Variants in ANTXR1 observed in about 807,000 individuals in gnomAD.
ANTXR1 encodes anthrax toxin receptor 1.
In ANTXR1, 19 loss-of-function variants were observed where a neutral mutation model predicts 78.1. The ratio of observed to expected loss-of-function variants is 0.24; its 90% CI spans 0.17 to 0.36. The LOEUF is 0.36. ANTXR1 is among the 10% of genes least tolerant of loss of function. The probability of loss-of-function intolerance (pLI) is 1.00; values close to 1 mark genes in which losing one functional copy is unlikely to be tolerated. For missense variants in ANTXR1, 518 were observed against 718.6 expected, an observed-to-expected ratio of 0.72 and a Z score of 3.19; for synonymous variants, 273 against 260.5, an observed-to-expected ratio of 1.05 and a Z score of -0.46.
At chr2:69,112,565 C>G (rs1471878376) in intron 10 of ANTXR1, among the ~76,000 whole-genome samples, 1 of 152,194 alleles carries the variant, frequency 6.6e-6, no homozygotes, top group Non-Finnish European at 1.5e-5. Context: ...GGTCACAGGA[C>G]ACATTAGTAG....
At chr2:69,160,992 C>A (rs911713611) in intron 13 of ANTXR1, among the ~76,000 whole-genome samples, 3 of 152,176 alleles carry the variant, frequency 2.0e-5, no homozygotes, top group African/African-American at 7.2e-5. Context: ...TCAATATCAA[C>A]AAGCTTGAAC....
intron 13 of ANTXR1, among the ~76,000 whole-genome samples, chr2:69,152,663 G>C (rs1316382612): frequency 6.6e-6 from 1 of 152,130 alleles, no homozygotes; most frequent in Non-Finnish European, 1.5e-5. Context: ...CTCTTCTAAG[G>C]CCACCCTGGT....
chr2:69,245,652 A>G lies in ANTXR1; in HGVS notation c.*167A>G. The G allele has an allele frequency of 1.0e-6, 1 of 971,426 alleles. No individual in the cohort carries two copies. The highest frequency in any genetic ancestry group is 1.6e-5 in the South Asian group (1 of 61,590). 60.2% of individuals were successfully genotyped at this position (971,426 alleles called of 1,614,324 possible). On this transcript the variant is annotated 3_prime_UTR_variant, in exon 18 of 18. Transcript: ENST00000303714. ...ACAATCATGATCAGCTGAAAGAAAC[A>G]GATATTTTAAATTGCCAGAAAACAA... is the stretch of plus-strand genomic sequence containing the variant.
chr2:69,245,188 G>A (rs773744759), intron 17 of ANTXR1, 37 bp from the exon 18 acceptor site: 59 of 1,613,208 alleles, frequency 3.7e-5, no homozygotes, highest in Middle Eastern at 1.6e-4. Context: ...ATGTGAGGCC[G>A]TCCGCTCACG....
chr2:69,133,298 C>T (rs184016759), intron 12 of ANTXR1, among the ~76,000 whole-genome samples: 2 of 152,316 alleles, frequency 1.3e-5, no homozygotes, highest in African/African-American at 4.8e-5. Flanking sequence ...CAACCAGTTG[C>T]AGAGAACAGA....
At chr2:69,131,916 T>G (rs1051030848) in intron 12 of ANTXR1, among the ~76,000 whole-genome samples, 2 of 152,088 alleles carry the variant, frequency 1.3e-5, no homozygotes, top group African/African-American at 4.8e-5. Flanking sequence ...GGAAGGGCAA[T>G]AGTCAAAGAT....
intron 6 of ANTXR1, among the ~76,000 whole-genome samples, chr2:69,075,253 G>A (rs1228817032): frequency 2.6e-5 from 4 of 152,240 alleles, no homozygotes; most frequent in African/African-American, 4.8e-5. Context: ...ACAAAGAAAC[G>A]TATGTCAGTA....
chr2:69,222,550 T>A (rs1411952546), intron 17 of ANTXR1, among the ~76,000 whole-genome samples: 1 of 152,170 alleles, frequency 6.6e-6, no homozygotes, highest in African/African-American at 2.4e-5. Context: ...AAAAATTTCA[T>A]TTCCCCAGAG....
chr2:69,139,893 C>A (rs1277440873), intron 12 of ANTXR1, among the ~76,000 whole-genome samples: 1 of 152,210 alleles, frequency 6.6e-6, no homozygotes, highest in Non-Finnish European at 1.5e-5. Flanking sequence ...CCTTTCTCTT[C>A]CAGTGTCATA....
chr2:69,181,693 C>G (rs1304418329), intron 14 of ANTXR1, 93 bp from the exon 15 acceptor site: 6 of 1,234,220 alleles, frequency 4.9e-6, no homozygotes, highest in Non-Finnish European at 7.2e-6. Context: ...CAGTCTGACT[C>G]TATAAGCTCT....
intron 17 of ANTXR1, among the ~76,000 whole-genome samples, chr2:69,196,677 C>T (rs953037751): frequency 6.6e-6 from 1 of 152,186 alleles, no homozygotes; most frequent in African/African-American, 2.4e-5. Flanking sequence ...TTTCCATAAA[C>T]TCAAAATGAC....
At chr2:69,191,265 A>G (rs906469726) in intron 16 of ANTXR1, among the ~76,000 whole-genome samples, 13 of 152,236 alleles carry the variant, frequency 8.5e-5, no homozygotes, top group Admixed American at 2.6e-4. Context: ...CCCACAAGAC[A>G]AAGTTAAACC....
chr2:69,188,754 T>C (rs1230587358), intron 16 of ANTXR1, among the ~76,000 whole-genome samples: 1 of 152,222 alleles, frequency 6.6e-6, no homozygotes, highest in Non-Finnish European at 1.5e-5. Flanking sequence ...GAGAGGTTTG[T>C]GCATGACAGA....
chr2:69,145,104 C>A (rs1244689605), intron 12 of ANTXR1, among the ~76,000 whole-genome samples: 1 of 152,156 alleles, frequency 6.6e-6, no homozygotes, highest in Non-Finnish European at 1.5e-5. Context: ...TGGCAGCAAA[C>A]AGGCTGGAAA....
At chr2:69,088,086 A>AT (rs1283693226) in intron 8 of ANTXR1, among the ~76,000 whole-genome samples, 3 of 152,126 alleles carry the variant, frequency 2.0e-5, no homozygotes, top group African/African-American at 7.2e-5. Flanking sequence ...CTTGGCTGGC[A>AT]TTTTTTGGCC....
At chr2:69,087,817 C>G (rs1224891696) in intron 8 of ANTXR1, among the ~76,000 whole-genome samples, 1 of 152,194 alleles carries the variant, frequency 6.6e-6, no homozygotes, top group Non-Finnish European at 1.5e-5. Flanking sequence ...GATCTGCTGT[C>G]TGCTACAGTT....
chr2:69,127,160 A>G (rs1672566845), intron 12 of ANTXR1, among the ~76,000 whole-genome samples: 1 of 152,232 alleles, frequency 6.6e-6, no homozygotes, highest in Admixed American at 6.5e-5. Context: ...GCAAAAGGTA[A>G]TAGATGCTAT....
intron 10 of ANTXR1, among the ~76,000 whole-genome samples, chr2:69,117,865 A>T (rs1327353848): frequency 6.6e-6 from 1 of 152,088 alleles, no homozygotes. Flanking sequence ...TGTGATCTGA[A>T]ATATCCTCTG....
Position 69,214,635 on chromosome 2 carries a change from TCTC to T in ANTXR1, c.1434+21226_1434+21228del, listed in dbSNP as rs1407671910. Among the ~76,000 whole-genome samples the T allele has an allele frequency of 2.6e-5, 4 of 152,144 alleles. No homozygotes were observed. In the East Asian group the frequency reaches 7.7e-4, roughly 29 times the overall value. On this transcript the variant is annotated intron_variant, in intron 17 of 17. Coordinates refer to ENST00000303714, the MANE Select transcript of ANTXR1 (RefSeq NM_032208.3). Reference sequence around the variant, plus strand: ...CTCCCCTGTTTCTCCATTTTGCTCTTCTCCTCCTAGTCCCCACCCAAGTCTGTT... The same window carrying T: ...CTCCCCTGTTTCTCCATTTTGCTCTTCTCCTAGTCCCCACCCAAGTCTGTT...
Sources: allele counts gnomAD v4.1 joint callset (sites outside exome capture counted in the v4.1 genomes callset), GRCh38; gene constraint gnomAD v4.1.1; transcripts MANE v1.5; gene names NCBI Gene and HGNC (gene_info 2026-07-23, HGNC 2026-07-21).